AGTR1: variants seen among roughly 807,000 people sequenced by gnomAD.
The protein encoded by AGTR1 is type-1 angiotensin II receptor.
A neutral mutation model predicts 19.4 loss-of-function variants in AGTR1; 16 were observed. The observed-to-expected ratio is 0.82, with a 90% CI of 0.56 to 1.25. The LOEUF is 1.25. Among genes scored for constraint, AGTR1 ranks in the 50% most tolerant of loss-of-function variants. AGTR1 has a pLI of 0.00. For synonymous variants in AGTR1, 153 were observed against 154.9 expected (o/e 0.99, Z 0.09); for missense variants, 373 against 431.9 (o/e 0.86, Z 1.21).
At chr3:148,725,518 T>C (rs766947589) in intron 2 of AGTR1, among the ~76,000 whole-genome samples, 40 of 152,314 alleles carry the variant, frequency 2.6e-4, no homozygotes, top group Middle Eastern at 3.4e-3. Context: ...CTCATTCTGC[T>C]GCCCAGGCTG....
At chr3:148,734,854 G>T (rs1424182867) in intron 2 of AGTR1, among the ~76,000 whole-genome samples, 1 of 152,182 alleles carries the variant, frequency 6.6e-6, no homozygotes, top group Non-Finnish European at 1.5e-5. Context: ...TTCATCAAAA[G>T]CCATGACTAT....
At chr3:148,728,612 T>C (rs756015204) in intron 2 of AGTR1, among the ~76,000 whole-genome samples, 9 of 152,160 alleles carry the variant, frequency 5.9e-5, no homozygotes, top group Non-Finnish European at 7.4e-5. Context: ...AACTGTTAGG[T>C]GCTTCAGGGA....
At chr3:148,736,528 T>C (rs1452264828) in intron 2 of AGTR1, among the ~76,000 whole-genome samples, 1 of 152,216 alleles carries the variant, frequency 6.6e-6, no homozygotes, top group East Asian at 1.9e-4. Flanking sequence ...GTAAAACATA[T>C]TCATTAAGCA....
At chr3:148,703,265 A>G (rs1712459544) in intron 1 of AGTR1, among the ~76,000 whole-genome samples, 1 of 152,198 alleles carries the variant, frequency 6.6e-6, no homozygotes, top group Non-Finnish European at 1.5e-5. Context: ...CCCAGTTCCC[A>G]TATTAGCATC....
chr3:148,741,895 C>T lies in AGTR1; in HGVS notation c.860C>T (p.Thr287Ile), dbSNP rs750724789. The T allele has an allele frequency of 2.5e-6, 4 of 1,614,082 alleles. No homozygotes were observed. Among genetic ancestry groups the T allele is most frequent in the Non-Finnish European group, 3.4e-6 (4 of 1,180,022 alleles). The change falls in exon 3 of 3, where the codon ACC becomes ATC. Residue 287 changes from threonine to isoleucine, a missense_variant. Thr to Ile is a moderately conservative substitution (Grantham distance 89, BLOSUM62 -1). Transcript: ENST00000349243. ...ATTGTGGACACGGCCATGCCTATCA[C>T]CATTTGTATAGCTTATTTTAACAAT... is the stretch of plus-strand genomic sequence containing the variant. Reference protein sequence around the residue: ...ADIVDTAMPITICIAYFNNCL... With the variant: ...ADIVDTAMPIIICIAYFNNCL...
intron 2 of AGTR1, among the ~76,000 whole-genome samples, chr3:148,736,816 G>A (rs1424093592): frequency 6.6e-6 from 1 of 152,164 alleles, no homozygotes; most frequent in Non-Finnish European, 1.5e-5. Context: ...AAAAGGAATA[G>A]TAAGACCAAA....
intron 1 of AGTR1, among the ~76,000 whole-genome samples, chr3:148,702,541 G>T (rs1264978862): frequency 6.6e-6 from 1 of 152,106 alleles, no homozygotes; most frequent in African/African-American, 2.4e-5. Context: ...ACATATTTTG[G>T]CATGGGTCTC....
chr3:148,710,267 A>T (rs1576525767), intron 2 of AGTR1, among the ~76,000 whole-genome samples: 1 of 152,176 alleles, frequency 6.6e-6, no homozygotes, highest in East Asian at 1.9e-4. Context: ...AGATTATCTG[A>T]TATACAGCTC....
chr3:148,721,779 T>C (rs1438003983), intron 2 of AGTR1, among the ~76,000 whole-genome samples: 4 of 152,200 alleles, frequency 2.6e-5, no homozygotes, highest in Non-Finnish European at 5.9e-5. Context: ...ATGGTACCCC[T>C]TGTGCTTCAG....
In AGTR1 at chr3:148,698,987, G is replaced by GT. The variant is rs140965291; in HGVS notation, c.-132+867dup. On this transcript the variant is annotated intron_variant, in intron 1 of 2. Coordinates refer to ENST00000349243, the MANE Select transcript of AGTR1 (RefSeq NM_000685.5). ...TCCCCAAAGCGTCTCCTTCTGCACCGTTTTTTTCTTTGGGCAACCATTTGT... is the reference window on the plus strand; with the variant it reads ...TCCCCAAAGCGTCTCCTTCTGCACCGTTTTTTTTCTTTGGGCAACCATTTGT... Among the ~76,000 whole-genome samples the GT allele has an allele frequency of 7.6e-3, 941 of 124,420 alleles. 4 individuals carry two copies. The highest frequency in any genetic ancestry group is 0.016 in the South Asian group (70 of 4,248). 81.6% of individuals were successfully genotyped at this position (124,420 alleles called of 152,430 possible). A position where few individuals can be genotyped will look rare whatever the true frequency, so the allele number is the denominator to read the frequency against.
At position 148,725,643 on chromosome 3, in the gene AGTR1, C is replaced by T. The variant is rs546588879; in HGVS notation, c.-47-15346C>T. On this transcript the variant is annotated intron_variant, in intron 2 of 2. Coordinates refer to ENST00000349243, the MANE Select transcript of AGTR1 (RefSeq NM_000685.5). Reference sequence around the variant, plus strand: ...GATTACAGGCATCCGCCACCATGCCCAGCTAATTTTTGTATTTTTATTAGA... The same window carrying T: ...GATTACAGGCATCCGCCACCATGCCTAGCTAATTTTTGTATTTTTATTAGA... Among the ~76,000 whole-genome samples the T allele has an allele frequency of 2.6e-5, 4 of 152,120 alleles. No individual in the cohort carries two copies. The South Asian group carries it at 8.3e-4, about 32-fold the overall frequency.
intron 1 of AGTR1, 67 bp from the exon 2 acceptor site, chr3:148,707,877 C>G (rs1033776726): frequency 1.3e-5 from 2 of 152,166 alleles, no homozygotes; most frequent in Non-Finnish European, 2.9e-5. Flanking sequence ...GAAGCTTACT[C>G]TGTAAATTAA....
chr3:148,735,666 C>T (rs1028715160), intron 2 of AGTR1, among the ~76,000 whole-genome samples: 2 of 152,050 alleles, frequency 1.3e-5, no homozygotes, highest in African/African-American at 2.4e-5. Context: ...GAAAAAGAAA[C>T]GAGTAAAAAG....
At chr3:148,705,351 T>C (rs938899222) in intron 1 of AGTR1, among the ~76,000 whole-genome samples, 1 of 152,210 alleles carries the variant, frequency 6.6e-6, no homozygotes, top group Admixed American at 6.5e-5. Flanking sequence ...TACTTTACTT[T>C]TTGACTCAAA....
At chr3:148,698,420 A>G (rs1712101487) in intron 1 of AGTR1, 1 of 152,240 alleles carries the variant, frequency 6.6e-6, no homozygotes, top group African/African-American at 2.4e-5. Context: ...ATCTACAGAA[A>G]TAAGATGCAA....
intron 2 of AGTR1, among the ~76,000 whole-genome samples, chr3:148,724,115 T>C (rs1559928027): frequency 6.6e-6 from 1 of 152,110 alleles, no homozygotes; most frequent in Non-Finnish European, 1.5e-5. Context: ...AAATTTGAAA[T>C]TTTAAGTTTA....
chr3:148,734,519 C>T (rs1206707704), intron 2 of AGTR1, among the ~76,000 whole-genome samples: 1 of 152,158 alleles, frequency 6.6e-6, no homozygotes, highest in Non-Finnish European at 1.5e-5. Context: ...GTACATATAT[C>T]AGAGAGCCAT....
intron 2 of AGTR1, among the ~76,000 whole-genome samples, chr3:148,723,735 C>A (rs1713775760): frequency 1.3e-5 from 2 of 152,218 alleles, no homozygotes; most frequent in Admixed American, 1.3e-4. Flanking sequence ...ACTATGCAAG[C>A]TGGCTGTGTG....
At chr3:148,710,871 G>A (rs1712942931) in intron 2 of AGTR1, among the ~76,000 whole-genome samples, 1 of 152,030 alleles carries the variant, frequency 6.6e-6, no homozygotes, top group Non-Finnish European at 1.5e-5. Context: ...TAATGAAAGA[G>A]TTCTTGCTCT....
Sources: gnomAD v4.1 joint callset for allele counts (sites outside exome capture counted in the v4.1 genomes callset) on GRCh38, gnomAD v4.1.1 for gene constraint, MANE v1.5 for transcripts, NCBI Gene and HGNC (gene_info 2026-07-23, HGNC 2026-07-21) for gene names.